The following CEP85 variants were observed in gnomAD, a reference collection of about 807,000 sequenced individuals.
CEP85 encodes centrosomal protein of 85 kDa.
Under a neutral mutation model 93.7 loss-of-function variants are expected in CEP85, and 58 were observed. That is an observed-to-expected ratio of 0.62 (90% CI 0.50 to 0.77). The LOEUF (loss-of-function observed/expected upper bound fraction) is 0.77. Among genes scored for constraint, CEP85 ranks in the 30% least tolerant of loss-of-function variants. The pLI, the probability that CEP85 is intolerant of heterozygous loss-of-function variation, is 0.00. For synonymous variants in CEP85, 314 were observed against 338.6 expected (o/e 0.93, Z 0.80); for missense variants, 868 against 922.0 (o/e 0.94, Z 0.76).
intron 4 of CEP85, among the ~76,000 whole-genome samples, chr1:26,256,928 G>GTATGTGTGTGTGTGT (rs199539021): frequency 9.0e-6 from 1 of 111,404 alleles, no homozygotes; most frequent in Non-Finnish European, 1.9e-5. Flanking sequence ...GTTTTGTTTT[G>GTATGTGTGTGTGTGT]GTGTGTGTGT....
At chr1:26,241,425 T>A (rs1036137280) in intron 2 of CEP85, among the ~76,000 whole-genome samples, 4 of 151,940 alleles carry the variant, frequency 2.6e-5, no homozygotes, top group African/African-American at 9.7e-5. Flanking sequence ...TTGCATTTTT[T>A]AATAGAGACG....
chr1:26,273,316 C>T (rs1385400079), intron 11 of CEP85, among the ~76,000 whole-genome samples: 1 of 152,102 alleles, frequency 6.6e-6, no homozygotes, highest in Non-Finnish European at 1.5e-5. Flanking sequence ...CCAAAACACC[C>T]GAAATGCACT....
At position 26,259,758 on chromosome 1, in the gene CEP85, G is replaced by A; in HGVS notation, c.1297G>A (p.Ala433Thr). ...GCTCATCAGAGAGTCGCTCAAAGTG[G>A]CGTTGCAGAAGCATTCTGAGGAAGT... is the stretch of plus-strand genomic sequence containing the variant. ...VQLIRESLKV[A>T]LQKHSEEVKK... The change falls in exon 7 of 14, where the codon GCG becomes ACG. Residue 433 changes from alanine (A) to threonine (T), a missense_variant. By Grantham distance (58) the Ala-to-Thr change is moderately conservative. Transcript: ENST00000451429. 1 of 1,613,632 alleles carries A rather than the reference G, an allele frequency of 6.2e-7. No homozygotes were observed. Among genetic ancestry groups the A allele is most frequent in the Non-Finnish European group, 8.5e-7 (1 of 1,179,826 alleles).
At chr1:26,264,980 C>CTT (rs766050519) in intron 7 of CEP85, among the ~76,000 whole-genome samples, 116 of 92,824 alleles carry the variant, frequency 1.2e-3, no homozygotes, top group Non-Finnish European at 1.6e-3. Context: ...CCACACCCGG[C>CTT]TTTTTTTTTT....
chr1:26,264,907 G>T (rs1461390162), intron 7 of CEP85, among the ~76,000 whole-genome samples: 2 of 149,750 alleles, frequency 1.3e-5, no homozygotes, highest in Non-Finnish European at 3.0e-5. Flanking sequence ...CCACCTCCCA[G>T]ATTCAAACTA....
chr1:26,276,549 C>T lies in CEP85; in HGVS notation c.1917C>T (p.Asn639=). ...TGTCTGCTCAGCTTTCAGTGCAAAA[C>T]CAGGACTTGATTGAGAAGAATCTGA... ...RTAVKELSVQ[N]QDLIEKNLTL... Residue 639 remains asparagine, a synonymous_variant, in exon 13 of 14, where the codon AAC becomes AAT. Transcript: ENST00000451429. 1 of 1,614,172 alleles carries T rather than the reference C, an allele frequency of 6.2e-7. No homozygotes were observed. The highest frequency in any genetic ancestry group is 8.5e-7 in the Non-Finnish European group (1 of 1,179,988).
chr1:26,261,084 C>T (rs1366274525), intron 7 of CEP85, among the ~76,000 whole-genome samples: 1 of 151,730 alleles, frequency 6.6e-6, no homozygotes. Flanking sequence ...ACCCACTGCA[C>T]CCAGCTGGAT....
At position 26,257,641 on chromosome 1, in the gene CEP85, T is replaced by C. The variant is rs368517288; in HGVS notation, c.948T>C (p.Pro316=). 2 of 1,614,196 alleles carry C rather than the reference T, an allele frequency of 1.2e-6. No homozygotes were observed. The highest frequency in any genetic ancestry group is 1.7e-6 in the Non-Finnish European group (2 of 1,180,014). The part of the protein sequence containing the change: ...AICHHPAAFG[P]SLPILEPAQW... The stretch of plus-strand genomic sequence containing the variant: ...GCCACCATCCTGCTGCTTTTGGTCC[T>C]TCACTGCCCATCTTAGAGCCAGCAC... Residue 316 remains proline, a synonymous_variant, in exon 5 of 14, where the codon CCT becomes CCC. Coordinates refer to ENST00000451429, the MANE Select transcript of CEP85 (RefSeq NM_001319944.2).
chr1:26,273,976 C>T (rs1325297076), intron 11 of CEP85, among the ~76,000 whole-genome samples: 2 of 149,742 alleles, frequency 1.3e-5, no homozygotes, highest in East Asian at 1.9e-4. Context: ...ATGGATTCAT[C>T]ATAGTCACTT....
chr1:26,258,303 C>G lies in CEP85; in HGVS notation c.1155+43C>G, dbSNP rs181789768. 514 of 1,286,416 alleles carry G rather than the reference C, an allele frequency of 4.0e-4. 1 individual carries two copies. In the African/African-American group the frequency reaches 6.8e-3, roughly 17 times the overall value. 79.7% of individuals were successfully genotyped at this position (1,286,416 alleles called of 1,614,324 possible). A position where few individuals can be genotyped will look rare whatever the true frequency, so the allele number is the denominator to read the frequency against. On this transcript the variant is annotated intron_variant, in intron 6 of 13. Coordinates refer to ENST00000451429, the MANE Select transcript of CEP85 (RefSeq NM_001319944.2). The stretch of plus-strand genomic sequence containing the variant: ...GGATGGCATTCTGTTTGTCATAACT[C>G]GGTGTCTTCCCTATGCTTGACACCA...
chr1:26,269,308 G>A (rs2089937552), intron 8 of CEP85, 152 bp from the exon 9 acceptor site: 15 of 676,286 alleles, frequency 2.2e-5, no homozygotes, highest in South Asian at 1.7e-4. Context: ...TTCCATCTGC[G>A]AGGAGCACCC....
intron 10 of CEP85, 104 bp downstream of exon 10, chr1:26,271,211 T>C: frequency 1.5e-6 from 1 of 666,944 alleles, no homozygotes; most frequent in South Asian, 1.8e-5. Flanking sequence ...CTATCTAGGA[T>C]TTGTTACCAA....
In CEP85 at chr1:26,269,617, A is replaced by T. The variant is rs774849686; in HGVS notation, c.1649+3A>T. The T allele has an allele frequency of 1.2e-6, 2 of 1,612,072 alleles. No homozygotes were observed. The highest frequency in any genetic ancestry group is 2.7e-5 in the African/African-American group (2 of 74,876). ...GAATTCTCCTCCGCTGGACATAGGT[A>T]AATAACCCTGTGGGACTGAGAGGAG... On this transcript the variant is annotated splice_donor_region_variant and intron_variant, in intron 9 of 13. Transcript: ENST00000451429.
At chr1:26,246,962 G>A (rs1288617702) in intron 3 of CEP85, among the ~76,000 whole-genome samples, 1 of 152,198 alleles carries the variant, frequency 6.6e-6, no homozygotes, top group Non-Finnish European at 1.5e-5. Flanking sequence ...TACCAGTCTG[G>A]CCTGTTAGGA....
At chr1:26,247,313 A>C (rs1569976892) in intron 3 of CEP85, among the ~76,000 whole-genome samples, 1 of 152,162 alleles carries the variant, frequency 6.6e-6, no homozygotes, top group Admixed American at 6.5e-5. Context: ...ATATACTAAA[A>C]CCCATTGAAT....
intron 10 of CEP85, chr1:26,271,370 C>A (rs971771724): frequency 5.4e-5 from 19 of 353,706 alleles, no homozygotes; most frequent in Non-Finnish European, 9.5e-5. Context: ...ATTAGATGAC[C>A]CAAAATGGTG....
intron 2 of CEP85, among the ~76,000 whole-genome samples, chr1:26,242,045 A>G (rs911164300): frequency 1.3e-5 from 2 of 152,110 alleles, no homozygotes; most frequent in Non-Finnish European, 2.9e-5. Flanking sequence ...TACAGGCATG[A>G]GCCACTGCAC....
intron 12 of CEP85, 59 bp from the exon 13 acceptor site, chr1:26,276,476 A>G (rs2090053657): frequency 7.3e-6 from 10 of 1,363,648 alleles, no homozygotes; most frequent in Admixed American, 7.0e-5. Context: ...ACACTCATGC[A>G]CAGATACTCT....
chr1:26,236,742 G>C (rs929061581), intron 1 of CEP85, among the ~76,000 whole-genome samples: 1 of 152,184 alleles, frequency 6.6e-6, no homozygotes, highest in African/African-American at 2.4e-5. Context: ...CTGATAACGT[G>C]TGCCCTGGTT....
Sources: gnomAD v4.1 joint callset for allele counts (sites outside exome capture counted in the v4.1 genomes callset) on GRCh38, gnomAD v4.1.1 for gene constraint, MANE v1.5 for transcripts, NCBI Gene and HGNC (gene_info 2026-07-23, HGNC 2026-07-21) for gene names.